Variants in SPARC observed in about 807,000 individuals in gnomAD.
SPARC encodes the protein basement-membrane protein 40.
In SPARC, 23 loss-of-function variants were observed where a neutral mutation model predicts 37.7. That is an observed-to-expected ratio of 0.61 (90% confidence interval 0.44 to 0.87). The LOEUF is 0.87. Ranked by LOEUF, SPARC falls within the 40% of genes least tolerant of loss-of-function variation. The probability of loss-of-function intolerance (pLI) is 0.00; values close to 1 mark genes in which losing one functional copy is unlikely to be tolerated. For missense variants in SPARC, 312 were observed against 389.0 expected (o/e 0.80, Z 1.66); for synonymous variants, 155 against 150.8 (o/e 1.03, Z -0.20).
At chr5:151,674,073 G>A (rs973679587) in intron 3 of SPARC, among the ~76,000 whole-genome samples, 1 of 151,668 alleles carries the variant, frequency 6.6e-6, no homozygotes, top group Admixed American at 6.6e-5. Context: ...GTACAGTGGC[G>A]AGATCTTGGC....
intron 1 of SPARC, among the ~76,000 whole-genome samples, chr5:151,681,765 C>T (rs1446690881): frequency 5.9e-5 from 9 of 152,062 alleles, no homozygotes; most frequent in Admixed American, 4.6e-4. Flanking sequence ...TGGTGGCGGG[C>T]GCCTAAAATC....
At chr5:151,674,789 G>A (rs1760822300) in intron 2 of SPARC, 115 bp from the exon 3 acceptor site, 1 of 959,114 alleles carries the variant, frequency 1.0e-6, no homozygotes, top group Non-Finnish European at 1.6e-6. Flanking sequence ...GCTTACTGGA[G>A]ATCCCCAAAG....
At position 151,661,233 on chromosome 5, in the gene SPARC, A is replaced by G. The variant is rs1760493537; in HGVS notation, c.*2338T>C. 6.6e-6 allele frequency: 1 copy of G among 152,338 alleles called. No individual in the cohort carries two copies. The highest frequency in any genetic ancestry group is 3.4e-3 in the Middle Eastern group (1 of 294). The allele number at this position is 152,338 out of a possible 1,614,324, so 9.4% of individuals were successfully genotyped here. A position where few individuals can be genotyped will look rare whatever the true frequency, so the allele number is the denominator to read the frequency against. On this transcript the variant is annotated 3_prime_UTR_variant, in exon 10 of 10. Transcript: ENST00000231061. ...CAAGGATCACGCACGCTGCCTACTC[A>G]TAAGATCCCCTAACACATTGCAGGT...
At chr5:151,670,118 T>C (rs967838033) in intron 5 of SPARC, among the ~76,000 whole-genome samples, 5 of 152,138 alleles carry the variant, frequency 3.3e-5, no homozygotes, top group Admixed American at 6.5e-5. Flanking sequence ...CAAAGAAGAG[T>C]TAACATAGCA....
intron 5 of SPARC, among the ~76,000 whole-genome samples, chr5:151,670,408 TC>T (rs1760723277): frequency 6.6e-6 from 1 of 152,224 alleles, no homozygotes; most frequent in African/African-American, 2.4e-5. Context: ...CTAATGAACT[TC>T]CCTGGAAAGA....
In SPARC at chr5:151,666,519, TAG is replaced by T; in HGVS notation, c.586-12_586-11del. 1 of 1,612,516 alleles carries T rather than the reference TAG, an allele frequency of 6.2e-7. No homozygotes were observed. The highest frequency in any genetic ancestry group is 8.5e-7 in the Non-Finnish European group (1 of 1,179,266). On this transcript the variant is annotated splice_polypyrimidine_tract_variant and intron_variant, in intron 7 of 9. Transcript: ENST00000231061. Reference sequence around the variant, plus strand: ...CATGGATCTTCTTCACCTGAGGGAGTAGAGACTGTGTGTGACAAGAGGTCCAT... The same window carrying T: ...CATGGATCTTCTTCACCTGAGGGAGTAGACTGTGTGTGACAAGAGGTCCAT...
chr5:151,681,466 T>G (rs1760985447), intron 1 of SPARC, among the ~76,000 whole-genome samples: 1 of 152,238 alleles, frequency 6.6e-6, no homozygotes, highest in African/African-American at 2.4e-5. Context: ...CTCAAAATTA[T>G]GTAAGCCAGA....
chr5:151,672,890 G>A, intron 4 of SPARC: 1 of 523,736 alleles, frequency 1.9e-6, no homozygotes, highest in Non-Finnish European at 3.5e-6. Flanking sequence ...TTTCCAGCTG[G>A]AGAACTCTCC....
intron 2 of SPARC, among the ~76,000 whole-genome samples, chr5:151,675,089 T>C (rs1349362903): frequency 6.6e-6 from 1 of 152,184 alleles, no homozygotes; most frequent in Non-Finnish European, 1.5e-5. Context: ...ATATTATTAG[T>C]AGTATTATTA....
At position 151,663,495 on chromosome 5, in the gene SPARC, C is replaced by T; in HGVS notation, c.*76G>A. On this transcript the variant is annotated 3_prime_UTR_variant, in exon 10 of 10. Coordinates refer to ENST00000231061, the MANE Select transcript of SPARC (RefSeq NM_003118.4). The stretch of plus-strand genomic sequence containing the variant: ...GTCTCCAGGCAGAACAACAAACCAT[C>T]CAAACATTTTAAACATTGGGGGAAA... 1 of 1,408,206 alleles carries T rather than the reference C, an allele frequency of 7.1e-7. No homozygotes were observed. Among genetic ancestry groups the T allele is most frequent in the East Asian group, 2.3e-5 (1 of 43,650 alleles). 87.2% of individuals were successfully genotyped at this position (1,408,206 alleles called of 1,614,324 possible).
At position 151,684,604 on chromosome 5, in the gene SPARC, G is replaced by GAAA. The variant is rs746262776; in HGVS notation, c.-14+2258_-14+2260dup. The stretch of plus-strand genomic sequence containing the variant: ...AACCCCAAGATGATGGAGCTGCCAG[G>GAAA]AAAAAAAAAAAAAAAAAAAGCTGAG... On this transcript the variant is annotated intron_variant, in intron 1 of 9. Transcript: ENST00000231061. Among the ~76,000 whole-genome samples the GAAA allele has an allele frequency of 8.9e-4, 100 of 112,782 alleles. 2 individuals are homozygous for GAAA. Among genetic ancestry groups the GAAA allele is most frequent in the Middle Eastern group, 4.6e-3 (1 of 218 alleles). 74.0% of individuals were successfully genotyped at this position (112,782 alleles called of 152,430 possible).
Position 151,666,524 on chromosome 5 carries a change from A to G in SPARC, c.586-15T>C. The G allele has an allele frequency of 1.2e-6, 2 of 1,611,932 alleles. No homozygotes were observed. The highest frequency in any genetic ancestry group is 8.5e-7 in the Non-Finnish European group (1 of 1,178,808). ...ATCTTCTTCACCTGAGGGAGTAGAGACTGTGTGTGACAAGAGGTCCATGGA... is the reference window on the plus strand; with the variant it reads ...ATCTTCTTCACCTGAGGGAGTAGAGGCTGTGTGTGACAAGAGGTCCATGGA... On this transcript the variant is annotated splice_polypyrimidine_tract_variant and intron_variant, in intron 7 of 9. Transcript: ENST00000231061.
intron 1 of SPARC, among the ~76,000 whole-genome samples, chr5:151,684,537 AT>A (rs71575111): frequency 6.7e-6 from 1 of 149,758 alleles, no homozygotes; most frequent in Non-Finnish European, 1.5e-5. Flanking sequence ...TGATTTTAAA[AT>A]TTTTCCTGTC....
At chr5:151,665,430 A>C (rs1760600037) in intron 8 of SPARC, among the ~76,000 whole-genome samples, 1 of 152,190 alleles carries the variant, frequency 6.6e-6, no homozygotes, top group Non-Finnish European at 1.5e-5. Context: ...CCTCAGGATC[A>C]CTGGCAGGGT....
At chr5:151,666,896 T>C (rs1030711855) in intron 7 of SPARC, among the ~76,000 whole-genome samples, 2 of 152,166 alleles carry the variant, frequency 1.3e-5, no homozygotes, top group African/African-American at 4.8e-5. Context: ...TGTGGTAGCA[T>C]GCCTGCAGTC....
chr5:151,662,354 G>A lies in SPARC; in HGVS notation c.*1217C>T, dbSNP rs1415795114. 6.6e-6 allele frequency: 1 copy of A among 152,626 alleles called. No individual in the cohort carries two copies. Among genetic ancestry groups the A allele is most frequent in the Non-Finnish European group, 1.5e-5 (1 of 68,044 alleles). 9.5% of individuals were successfully genotyped at this position (152,626 alleles called of 1,614,324 possible). On this transcript the variant is annotated 3_prime_UTR_variant, in exon 10 of 10. Transcript: ENST00000231061. ...CAAAGGTTTGCATTTGTGTAGTCAT[G>A]TGTAGACATGTATGCTCATGTGTTT...
At chr5:151,685,876 T>G (rs1380274309) in intron 1 of SPARC, 3 of 152,104 alleles carry the variant, frequency 2.0e-5, no homozygotes, top group Non-Finnish European at 1.5e-5. Flanking sequence ...CCCCTTCCCT[T>G]GGAGTCCTTG....
intron 5 of SPARC, among the ~76,000 whole-genome samples, chr5:151,670,157 C>T (rs1275716516): frequency 1.3e-5 from 2 of 152,202 alleles, no homozygotes; most frequent in Non-Finnish European, 2.9e-5. Flanking sequence ...TTAGAAAAGG[C>T]CTGCTTGTAA....
At chr5:151,671,527 C>T (rs1335436769) in intron 5 of SPARC, 46 bp downstream of exon 5, 16 of 1,514,368 alleles carry the variant, frequency 1.1e-5, no homozygotes, top group South Asian at 5.3e-5. Context: ...TCCTGTATTC[C>T]GAAGTGCCCA....
Sources: allele counts gnomAD v4.1 joint callset (sites outside exome capture counted in the v4.1 genomes callset), GRCh38; gene constraint gnomAD v4.1.1; transcripts MANE v1.5; gene names NCBI Gene and HGNC (gene_info 2026-07-23, HGNC 2026-07-21).